GRID1: variants seen among roughly 807,000 people sequenced by gnomAD.
The protein encoded by GRID1 is glutamate receptor ionotropic, delta-1.
A neutral mutation model predicts 98.0 loss-of-function variants in GRID1; 28 were observed. The ratio of observed to expected loss-of-function variants is 0.29; its 90% CI spans 0.21 to 0.39. The LOEUF is 0.39. Ranked by LOEUF, GRID1 falls within the 10% of genes least tolerant of loss-of-function variation. The probability of loss-of-function intolerance (pLI) is 1.00; values close to 1 mark genes in which losing one functional copy is unlikely to be tolerated. For synonymous variants in GRID1, 553 were observed against 538.5 expected (o/e 1.03, Z -0.37); for missense variants, 1,111 against 1,340.5 (o/e 0.83, Z 2.67).
At chr10:86,154,877 C>T (rs1466178328) in intron 3 of GRID1, among the ~76,000 whole-genome samples, 2 of 152,164 alleles carry the variant, frequency 1.3e-5, no homozygotes, top group Non-Finnish European at 2.9e-5. Flanking sequence ...GCACCCAGCA[C>T]TGTACCAAGC....
chr10:85,731,674 C>A (rs1312509268), intron 8 of GRID1, among the ~76,000 whole-genome samples: 1 of 151,570 alleles, frequency 6.6e-6, no homozygotes, highest in African/African-American at 2.4e-5. Flanking sequence ...TGGTGGCATA[C>A]TCCTGTAGTC....
intron 12 of GRID1, among the ~76,000 whole-genome samples, chr10:85,693,550 T>TAAA (rs148374714): frequency 1.3e-5 from 2 of 150,304 alleles, no homozygotes; most frequent in African/African-American, 4.9e-5. Context: ...AAGGCTATAG[T>TAAA]AAAAAAAAAC....
At chr10:85,715,906 C>CTTT (rs55700928) in intron 12 of GRID1, among the ~76,000 whole-genome samples, 4 of 147,232 alleles carry the variant, frequency 2.7e-5, no homozygotes, top group Non-Finnish European at 3.0e-5. Context: ...TAGAACTAAC[C>CTTT]TTTTTTTTTT....
At chr10:86,351,516 A>G (rs1589459008) in intron 2 of GRID1, among the ~76,000 whole-genome samples, 1 of 152,218 alleles carries the variant, frequency 6.6e-6, no homozygotes, top group East Asian at 1.9e-4. Context: ...TCTAGAAAGT[A>G]GGCATGAGAT....
intron 3 of GRID1, among the ~76,000 whole-genome samples, chr10:86,143,892 G>C (rs1270768033): frequency 6.6e-6 from 1 of 152,200 alleles, no homozygotes; most frequent in East Asian, 1.9e-4. Flanking sequence ...ACGGTGCCCA[G>C]GTCAGGCCTT....
At chr10:85,879,212 C>T (rs1292203052) in intron 5 of GRID1, among the ~76,000 whole-genome samples, 6 of 151,988 alleles carry the variant, frequency 3.9e-5, no homozygotes, top group East Asian at 1.9e-4. Flanking sequence ...GACAGATCAA[C>T]GAGACAGAAA....
intron 2 of GRID1, among the ~76,000 whole-genome samples, chr10:86,258,930 C>T (rs971082646): frequency 6.6e-6 from 1 of 152,330 alleles, no homozygotes; most frequent in East Asian, 1.9e-4. Flanking sequence ...AGAAAAATTC[C>T]TGGAACTGAA....
chr10:85,768,489 A>C (rs1459382938), intron 8 of GRID1, among the ~76,000 whole-genome samples: 1 of 152,206 alleles, frequency 6.6e-6, no homozygotes, highest in Non-Finnish European at 1.5e-5. Flanking sequence ...GCAATGTCCA[A>C]TGCAAAGGGT....
intron 8 of GRID1, among the ~76,000 whole-genome samples, chr10:85,848,783 T>C (rs1264729197): frequency 6.6e-6 from 1 of 152,244 alleles, no homozygotes; most frequent in Admixed American, 6.5e-5. Flanking sequence ...CTTTTCCTTA[T>C]TCCTTTACTG....
intron 2 of GRID1, among the ~76,000 whole-genome samples, chr10:86,254,503 C>A (rs1263887995): frequency 1.3e-5 from 2 of 152,366 alleles, no homozygotes; most frequent in Admixed American, 6.5e-5. Flanking sequence ...GACGGATGCA[C>A]ATAAAATTTG....
chr10:85,621,653 G>A (rs1237580803), intron 13 of GRID1, among the ~76,000 whole-genome samples: 1 of 152,070 alleles, frequency 6.6e-6, no homozygotes. Flanking sequence ...TCACCTCGAG[G>A]AGCAATCCAA....
chr10:86,216,576 C>A (rs528748011), intron 2 of GRID1, among the ~76,000 whole-genome samples: 1 of 152,244 alleles, frequency 6.6e-6, no homozygotes, highest in African/African-American at 2.4e-5. Flanking sequence ...GAGTCCTGGG[C>A]AATTCACTTT....
At chr10:85,880,574 C>A (rs1012838283) in intron 5 of GRID1, among the ~76,000 whole-genome samples, 9 of 151,526 alleles carry the variant, frequency 5.9e-5, no homozygotes, top group Non-Finnish European at 8.8e-5. Flanking sequence ...ATTCAACAAC[C>A]CTTCATGCTA....
chr10:86,257,350 A>T (rs1846937862), intron 2 of GRID1, among the ~76,000 whole-genome samples: 4 of 152,190 alleles, frequency 2.6e-5, no homozygotes, highest in Admixed American at 2.6e-4. Flanking sequence ...TACTGATTCC[A>T]CTTGAGAGAG....
intron 12 of GRID1, among the ~76,000 whole-genome samples, chr10:85,667,904 A>T (rs1423740036): frequency 1.3e-5 from 2 of 152,098 alleles, no homozygotes; most frequent in African/African-American, 4.8e-5. Flanking sequence ...ATTTCTATGG[A>T]TTCATGCTGA....
At chr10:86,222,908 C>T (rs1409381117) in intron 2 of GRID1, among the ~76,000 whole-genome samples, 1 of 152,168 alleles carries the variant, frequency 6.6e-6, no homozygotes, top group Non-Finnish European at 1.5e-5. Context: ...CCCAAAACAG[C>T]ACCGTCACCC....
intron 4 of GRID1, among the ~76,000 whole-genome samples, chr10:86,023,647 C>T (rs1188097657): frequency 6.6e-6 from 1 of 152,156 alleles, no homozygotes; most frequent in South Asian, 2.1e-4. Context: ...ATGCCCAAGG[C>T]CAGACTCACC....
chr10:86,210,298 C>T (rs1250878087), intron 2 of GRID1, among the ~76,000 whole-genome samples: 2 of 152,148 alleles, frequency 1.3e-5, no homozygotes, highest in Non-Finnish European at 1.5e-5. Flanking sequence ...GAAGAGCATT[C>T]GGATCTCAAG....
At chr10:85,697,442 T>A (rs1841406505) in intron 12 of GRID1, among the ~76,000 whole-genome samples, 1 of 152,192 alleles carries the variant, frequency 6.6e-6, no homozygotes, top group African/African-American at 2.4e-5. Flanking sequence ...CCAGCTTTCT[T>A]ATGCTTACTG....
Sources: allele counts gnomAD v4.1 joint callset (sites outside exome capture counted in the v4.1 genomes callset), GRCh38; gene constraint gnomAD v4.1.1; transcripts MANE v1.5; gene names NCBI Gene and HGNC (gene_info 2026-07-23, HGNC 2026-07-21).